Variants in TENM2 observed in about 807,000 individuals in gnomAD.
TENM2 encodes teneurin-2.
A neutral mutation model predicts 245.2 loss-of-function variants in TENM2; 52 were observed. The observed-to-expected ratio is 0.21, with a 90% confidence interval of 0.17 to 0.27. The LOEUF is 0.27. TENM2 is among the 10% of genes least tolerant of loss of function. The pLI, the probability that TENM2 is intolerant of heterozygous loss-of-function variation, is 1.00. For missense variants in TENM2, 3,046 were observed against 3,666.8 expected (o/e 0.83, Z 4.37); for synonymous variants, 1,363 against 1,438.9 (o/e 0.95, Z 1.19).
intron 1 of TENM2, chr5:167,294,407 A>G (rs554399223): frequency 6.6e-6 from 1 of 152,318 alleles, no homozygotes; most frequent in Non-Finnish European, 1.5e-5. Flanking sequence ...TCATCTGAGA[A>G]AAAAATGTAC....
chr5:167,609,974 G>T (rs946357017), intron 2 of TENM2, among the ~76,000 whole-genome samples: 1 of 152,046 alleles, frequency 6.6e-6, no homozygotes, highest in Non-Finnish European at 1.5e-5. Flanking sequence ...CCCCACTTCA[G>T]ATGCCAATCA....
chr5:167,377,254 T>C (rs1760810847), intron 2 of TENM2, among the ~76,000 whole-genome samples: 1 of 152,200 alleles, frequency 6.6e-6, no homozygotes, highest in South Asian at 2.1e-4. Flanking sequence ...TGAATAATTT[T>C]TACTTTCTGC....
intron 1 of TENM2, among the ~76,000 whole-genome samples, chr5:167,302,219 C>G (rs1021963867): frequency 6.6e-6 from 1 of 152,004 alleles, no homozygotes; most frequent in South Asian, 2.1e-4. Flanking sequence ...CATTTTCTGG[C>G]TATTTGGAAC....
chr5:167,785,273 CT>C, intron 2 of TENM2, among the ~76,000 whole-genome samples: 1 of 152,136 alleles, frequency 6.6e-6, no homozygotes, highest in Non-Finnish European at 1.5e-5. Context: ...TATTTCTTCC[CT>C]TTTTCCTCAG....
chr5:167,510,636 G>T (rs998818665), intron 2 of TENM2, among the ~76,000 whole-genome samples: 1 of 136,618 alleles, frequency 7.3e-6, no homozygotes, highest in East Asian at 2.3e-4. Flanking sequence ...AAGAAAGAAA[G>T]GAAGGAAGGA....
intron 2 of TENM2, among the ~76,000 whole-genome samples, chr5:167,626,268 C>A (rs1476503265): frequency 6.6e-6 from 1 of 151,928 alleles, no homozygotes; most frequent in African/African-American, 2.4e-5. Flanking sequence ...GATCAGAAGG[C>A]CACCGAGAGA....
At chr5:167,503,843 G>C (rs1769371143) in intron 2 of TENM2, among the ~76,000 whole-genome samples, 2 of 152,148 alleles carry the variant, frequency 1.3e-5, no homozygotes, top group African/African-American at 4.8e-5. Flanking sequence ...GCAGTGAGCT[G>C]AGATCATGCC....
At chr5:168,240,502 G>C (rs896864285) in intron 25 of TENM2, among the ~76,000 whole-genome samples, 1 of 152,168 alleles carries the variant, frequency 6.6e-6, no homozygotes, top group African/African-American at 2.4e-5. Flanking sequence ...GCAAAATGGG[G>C]ATGATAATAA....
At chr5:168,197,930 C>A (rs949828015) in intron 15 of TENM2, among the ~76,000 whole-genome samples, 3 of 152,300 alleles carry the variant, frequency 2.0e-5, no homozygotes, top group African/African-American at 7.2e-5. Flanking sequence ...TAGAAGAATG[C>A]TGTAATGAGC....
chr5:167,249,140 G>C, the TENM2 span, among the ~76,000 whole-genome samples: 276 of 152,244 alleles, frequency 1.8e-3, 3 homozygotes, highest in Non-Finnish European at 3.2e-3. Flanking sequence ...CTGGATAGAA[G>C]AGTTTTCAAA....
At chr5:167,528,638 C>G (rs560671294) in intron 2 of TENM2, among the ~76,000 whole-genome samples, 15 of 152,166 alleles carry the variant, frequency 9.9e-5, no homozygotes, top group African/African-American at 3.6e-4. Context: ...AATTTTTTAA[C>G]TTTTTCAAAT....
intron 2 of TENM2, among the ~76,000 whole-genome samples, chr5:167,730,551 A>G (rs1582861633): frequency 1.3e-5 from 2 of 152,182 alleles, no homozygotes; most frequent in East Asian, 3.9e-4. Flanking sequence ...ATGATAAGAC[A>G]CAGCTCTCCA....
At chr5:166,979,174 T>TAGCAGCAGCAGC in the TENM2 span, among the ~76,000 whole-genome samples, 1 of 132,386 alleles carries the variant, frequency 7.6e-6, no homozygotes, top group Admixed American at 8.0e-5. Flanking sequence ...GTTTCCGAAG[T>TAGCAGCAGCAGC]AGCAGCAGCA....
intron 6 of TENM2, among the ~76,000 whole-genome samples, chr5:168,053,663 T>G (rs1014878780): frequency 6.6e-6 from 1 of 152,260 alleles, no homozygotes; most frequent in Non-Finnish European, 1.5e-5. Flanking sequence ...ATGTGAATTA[T>G]AGAGGAGGAC....
intron 1 of TENM2, among the ~76,000 whole-genome samples, chr5:167,325,444 A>G (rs1325427430): frequency 1.3e-5 from 2 of 152,204 alleles, no homozygotes; most frequent in African/African-American, 4.8e-5. Flanking sequence ...CTTTGTTCCC[A>G]GGAACAGGGA....
intron 19 of TENM2, among the ~76,000 whole-genome samples, chr5:168,205,007 T>C (rs914485283): frequency 6.6e-6 from 1 of 152,248 alleles, no homozygotes; most frequent in African/African-American, 2.4e-5. Context: ...AGTCTCTGGA[T>C]CTTTGCACAT....
intron 2 of TENM2, among the ~76,000 whole-genome samples, chr5:167,775,214 C>T (rs1315727372): frequency 2.0e-5 from 3 of 152,202 alleles, no homozygotes; most frequent in East Asian, 1.9e-4. Flanking sequence ...GTGATCTGCC[C>T]GCCTCGGCCT....
At chr5:167,812,598 A>G (rs954751194) in intron 2 of TENM2, among the ~76,000 whole-genome samples, 1 of 152,192 alleles carries the variant, frequency 6.6e-6, no homozygotes, top group African/African-American at 2.4e-5. Flanking sequence ...GCATTCTTTA[A>G]GCGCCAGCCT....
At chr5:168,252,881 C>A (rs999080302) in intron 27 of TENM2, among the ~76,000 whole-genome samples, 2 of 151,880 alleles carry the variant, frequency 1.3e-5, no homozygotes, top group Non-Finnish European at 2.9e-5. Context: ...AGAAAAGAGG[C>A]ACTACTTCTA....
Sources: gnomAD v4.1 joint callset for allele counts (sites outside exome capture counted in the v4.1 genomes callset) on GRCh38, gnomAD v4.1.1 for gene constraint, MANE v1.5 for transcripts, NCBI Gene and HGNC (gene_info 2026-07-23, HGNC 2026-07-21) for gene names.